Variants in SH3BGR observed in about 807,000 individuals in gnomAD.
SH3BGR encodes SH3 domain-binding glutamic acid-rich protein.
SH3BGR carries 29 observed loss-of-function variants against 24.5 expected under a neutral mutation model. The ratio of observed to expected loss-of-function variants is 1.18; its 90% CI spans 0.88 to 1.61. SH3BGR has a LOEUF of 1.61. Ranked by LOEUF, SH3BGR falls within the 40% of genes most tolerant of loss-of-function variation. The pLI, the probability that SH3BGR is intolerant of heterozygous loss-of-function variation, is 0.00. For missense variants in SH3BGR, 162 were observed against 205.8 expected, an observed-to-expected ratio of 0.79 and a Z score of 1.30; for synonymous variants, 55 against 65.7, an observed-to-expected ratio of 0.84 and a Z score of 0.79.
intron 1 of SH3BGR, among the ~76,000 whole-genome samples, chr21:39,446,587 C>T (rs1029227972): frequency 1.3e-5 from 2 of 152,130 alleles, no homozygotes; most frequent in African/African-American, 4.8e-5. Flanking sequence ...TTTTTTTGCC[C>T]ATTTTATTGT....
intron 3 of SH3BGR, among the ~76,000 whole-genome samples, chr21:39,480,133 A>G (rs369421687): frequency 6.6e-6 from 1 of 152,180 alleles, no homozygotes; most frequent in Non-Finnish European, 1.5e-5. Flanking sequence ...TTTTAGTTAC[A>G]TAATTTGAGA....
At chr21:39,507,457 CCAAGTAGCTGGGATTA>C (rs2078602554) in intron 4 of SH3BGR, among the ~76,000 whole-genome samples, 1 of 151,956 alleles carries the variant, frequency 6.6e-6, no homozygotes, top group Non-Finnish European at 1.5e-5. Context: ...CCTCAGCCTC[CCAAGTAGCTGGGATTA>C]CAGGCATGCG....
intron 2 of SH3BGR, among the ~76,000 whole-genome samples, chr21:39,465,590 T>G (rs1406308568): frequency 6.6e-6 from 1 of 152,094 alleles, no homozygotes; most frequent in Non-Finnish European, 1.5e-5. Context: ...CCCATGCTTA[T>G]TTTATTTGTT....
At chr21:39,462,295 C>A in intron 1 of SH3BGR, 80 bp from the exon 2 acceptor site, 2 of 995,620 alleles carry the variant, frequency 2.0e-6, no homozygotes, top group East Asian at 2.5e-5. Context: ...TATAGTATAA[C>A]TAGAGGAAGG....
chr21:39,478,706 C>A (rs558307352), intron 3 of SH3BGR, among the ~76,000 whole-genome samples: 1 of 152,026 alleles, frequency 6.6e-6, no homozygotes, highest in Admixed American at 6.5e-5. Flanking sequence ...TCTTTTCTCT[C>A]CCATTTTCCA....
At chr21:39,464,793 T>C (rs545134418) in intron 2 of SH3BGR, among the ~76,000 whole-genome samples, 4 of 152,322 alleles carry the variant, frequency 2.6e-5, no homozygotes, top group Middle Eastern at 6.8e-3. Context: ...CCCACATTTC[T>C]CAAAATTGTG....
At chr21:39,460,708 T>G (rs1446604843) in intron 1 of SH3BGR, among the ~76,000 whole-genome samples, 9 of 152,126 alleles carry the variant, frequency 5.9e-5, no homozygotes, top group Admixed American at 5.9e-4. Flanking sequence ...GACCTCGTGA[T>G]CCACCCACCT....
At chr21:39,479,238 G>GTGGTGA (rs796734411) in intron 3 of SH3BGR, among the ~76,000 whole-genome samples, 5 of 144,596 alleles carry the variant, frequency 3.5e-5, no homozygotes, top group African/African-American at 1.1e-4. Context: ...GGTGGTGGTG[G>GTGGTGA]TGGTGGTGGT....
At chr21:39,453,062 C>T (rs558814206) in intron 1 of SH3BGR, among the ~76,000 whole-genome samples, 4 of 152,262 alleles carry the variant, frequency 2.6e-5, no homozygotes, top group African/African-American at 7.2e-5. Flanking sequence ...TCTCAGGTTT[C>T]GGCTGGGATT....
At chr21:39,483,612 A>C (rs535649585) in intron 3 of SH3BGR, among the ~76,000 whole-genome samples, 1 of 152,350 alleles carries the variant, frequency 6.6e-6, no homozygotes, top group Non-Finnish European at 1.5e-5. Flanking sequence ...CAAGATTTTT[A>C]ACGTTTTCCC....
chr21:39,458,267 T>C (rs925996352), intron 1 of SH3BGR, among the ~76,000 whole-genome samples: 8 of 152,144 alleles, frequency 5.3e-5, no homozygotes, highest in Admixed American at 2.0e-4. Flanking sequence ...CAGAAGACTT[T>C]TAAAAAATTG....
chr21:39,491,522 A>G, intron 3 of SH3BGR: 1 of 247,862 alleles, frequency 4.0e-6, no homozygotes, highest in Non-Finnish European at 8.0e-6. Context: ...GTTTTTCTTC[A>G]GTCTTCTAAG....
intron 3 of SH3BGR, among the ~76,000 whole-genome samples, chr21:39,488,100 C>T (rs1364253291): frequency 6.6e-6 from 1 of 152,316 alleles, no homozygotes; most frequent in East Asian, 1.9e-4. Flanking sequence ...CCTCATTCCA[C>T]TGGATCTTGG....
chr21:39,494,449 A>T (rs2123477337), intron 3 of SH3BGR, among the ~76,000 whole-genome samples: 1 of 152,010 alleles, frequency 6.6e-6, no homozygotes, highest in East Asian at 1.9e-4. Flanking sequence ...AAGTGTCTTT[A>T]CTTTGCTTTC....
chr21:39,494,617 TG>T (rs1289493127), intron 3 of SH3BGR, among the ~76,000 whole-genome samples: 2 of 152,088 alleles, frequency 1.3e-5, no homozygotes, highest in Admixed American at 1.3e-4. Context: ...GATTTTTCTC[TG>T]GGTGCTTTTA....
At chr21:39,478,650 C>G (rs2078067014) in intron 3 of SH3BGR, among the ~76,000 whole-genome samples, 1 of 152,104 alleles carries the variant, frequency 6.6e-6, no homozygotes. Context: ...TGGAATTCTT[C>G]TTATTTAAAT....
At chr21:39,507,659 C>T (rs112758212) in intron 4 of SH3BGR, among the ~76,000 whole-genome samples, 13,055 of 151,352 alleles carry the variant, frequency 0.086, 817 homozygotes, top group African/African-American at 0.17. Flanking sequence ...TAAAATTTTA[C>T]TTTATAGACA....
chr21:39,451,740 T>C, upstream of SH3BGR: 1 of 863,688 alleles, frequency 1.2e-6, no homozygotes, highest in Non-Finnish European at 1.8e-6. Context: ...CCAAGGCATC[T>C]CTGCACAGGT....
intron 3 of SH3BGR, among the ~76,000 whole-genome samples, chr21:39,497,844 A>G (rs2078425441): frequency 1.3e-5 from 2 of 152,204 alleles, no homozygotes. Flanking sequence ...ACTGGTTATG[A>G]GGATAAAGGA....
Sources: gnomAD v4.1 joint callset for allele counts (sites outside exome capture counted in the v4.1 genomes callset) on GRCh38, gnomAD v4.1.1 for gene constraint, MANE v1.5 for transcripts, NCBI Gene and HGNC (gene_info 2026-07-23, HGNC 2026-07-21) for gene names.